The following KANK4 variants were observed in gnomAD, a reference collection of about 807,000 sequenced individuals.
KANK4 encodes KN motif and ankyrin repeat domains 4.
Under a neutral mutation model 80.8 loss-of-function variants are expected in KANK4, and 50 were observed. That is an observed-to-expected ratio of 0.62 (90% confidence interval 0.49 to 0.78). KANK4 has a LOEUF of 0.78. KANK4 is among the 30% of genes least tolerant of loss of function. KANK4 has a pLI of 0.00. For synonymous variants in KANK4, 465 were observed against 506.9 expected (o/e 0.92, Z 1.11); for missense variants, 1,196 against 1,240.1 (o/e 0.96, Z 0.53).
chr1:62,262,872 G>A (rs1485116748), intron 7 of KANK4, among the ~76,000 whole-genome samples: 1 of 152,152 alleles, frequency 6.6e-6, no homozygotes, highest in East Asian at 1.9e-4. Context: ...CAGAAGAGGG[G>A]AGGGTGGAAG....
chr1:62,253,374 G>A lies in KANK4; in HGVS notation c.2540-165C>T, dbSNP rs191412741. On this transcript the variant is annotated intron_variant, in intron 7 of 9. Transcript: ENST00000371153. ...GTTTACATTTGTAGCAGCCTTTAAA[G>A]ATGGTTTCTTTTCTTTTCTTTTTTT... 3.4e-3 allele frequency among the ~76,000 whole-genome samples: 516 copies of A among 150,856 alleles called. 1 individual carries two copies. The highest frequency in any genetic ancestry group is 3.7e-3 in the Non-Finnish European group (253 of 67,608).
intron 1 of KANK4, among the ~76,000 whole-genome samples, chr1:62,297,818 G>A (rs1307725835): frequency 1.3e-5 from 2 of 152,206 alleles, no homozygotes; most frequent in Non-Finnish European, 1.5e-5. Flanking sequence ...AAGGAGTCTT[G>A]AGGTGTTTAA....
At chr1:62,317,900 A>G (rs186901939) in intron 1 of KANK4, among the ~76,000 whole-genome samples, 1 of 152,282 alleles carries the variant, frequency 6.6e-6, no homozygotes, top group African/African-American at 2.4e-5. Flanking sequence ...TGTTGATTGA[A>G]TCAGTCTGGT....
At chr1:62,266,517 G>A (rs1462097002) in intron 6 of KANK4, among the ~76,000 whole-genome samples, 1 of 149,236 alleles carries the variant, frequency 6.7e-6, no homozygotes, top group Non-Finnish European at 1.5e-5. Flanking sequence ...TCACACCACT[G>A]CACACTCACA....
At chr1:62,273,141 C>T in intron 3 of KANK4, 63 bp downstream of exon 3, 1 of 1,181,820 alleles carries the variant, frequency 8.5e-7, no homozygotes, top group Non-Finnish European at 1.2e-6. Flanking sequence ...CTTGTTCCCT[C>T]TGCCTTATCA....
In KANK4 at chr1:62,302,099, T is replaced by C. The variant is rs190780684; in HGVS notation, c.-71+17007A>G. On this transcript the variant is annotated intron_variant, in intron 1 of 9. Transcript: ENST00000371153. Reference sequence around the variant, plus strand: ...CAGATGCTGTGGAACTTGAAGACCATGTGAGGCTCGGGCTTAGTTTCAAAA... The same window carrying C: ...CAGATGCTGTGGAACTTGAAGACCACGTGAGGCTCGGGCTTAGTTTCAAAA... 8.5e-5 allele frequency among the ~76,000 whole-genome samples: 13 copies of C among 152,114 alleles called. No homozygotes were observed. The East Asian group carries it at 1.5e-3, about 18-fold the overall frequency.
intron 2 of KANK4, among the ~76,000 whole-genome samples, chr1:62,276,535 G>A (rs1321413683): frequency 1.3e-5 from 2 of 152,096 alleles, no homozygotes; most frequent in Non-Finnish European, 2.9e-5. Flanking sequence ...CAGCTCTTTG[G>A]GAGGCCGAGG....
At chr1:62,314,834 C>A (rs1644526927) in intron 1 of KANK4, among the ~76,000 whole-genome samples, 1 of 152,172 alleles carries the variant, frequency 6.6e-6, no homozygotes, top group South Asian at 2.1e-4. Flanking sequence ...GGGGGCAGAG[C>A]CCAGGGCCTG....
At chr1:62,278,376 C>CCTTCCTTTCTTT (rs1553130855) in intron 2 of KANK4, among the ~76,000 whole-genome samples, 1 of 32,316 alleles carries the variant, frequency 3.1e-5, no homozygotes, top group Non-Finnish European at 5.1e-5. Flanking sequence ...TTCCTTCCTT[C>CCTTCCTTTCTTT]CTTTCTTTCT....
chr1:62,299,710 T>A (rs1644396190), intron 1 of KANK4, among the ~76,000 whole-genome samples: 1 of 150,744 alleles, frequency 6.6e-6, no homozygotes. Flanking sequence ...CATAAAGATG[T>A]AGCAGCTGAA....
chr1:62,251,478 T>C (rs1671616067), intron 8 of KANK4, among the ~76,000 whole-genome samples: 1 of 152,146 alleles, frequency 6.6e-6, no homozygotes, highest in Non-Finnish European at 1.5e-5. Flanking sequence ...TTCCTGTAGG[T>C]TCAAAAAATG....
intron 9 of KANK4, among the ~76,000 whole-genome samples, chr1:62,246,043 G>T (rs1234733477): frequency 6.6e-6 from 1 of 152,120 alleles, no homozygotes; most frequent in East Asian, 1.9e-4. Context: ...ACCATTTGAT[G>T]CCTCCGTCTC....
chr1:62,315,517 C>T (rs1445016178), intron 1 of KANK4, among the ~76,000 whole-genome samples: 1 of 152,160 alleles, frequency 6.6e-6, no homozygotes, highest in Non-Finnish European at 1.5e-5. Flanking sequence ...TCCTGTTTCA[C>T]ACACAATCGA....
chr1:62,301,908 C>T lies in KANK4; in HGVS notation c.-71+17198G>A, dbSNP rs566091800. Among the ~76,000 whole-genome samples, 6 of 151,714 alleles carry T rather than the reference C, an allele frequency of 4.0e-5. 1 individual carries two copies. In the South Asian group the frequency reaches 1.0e-3, roughly 26 times the overall value. On this transcript the variant is annotated intron_variant, in intron 1 of 9. Transcript: ENST00000371153. ...GCCATCCATTTCCGTGTGATCACCA[C>T]GTGGTTGGGGGTGGGGGGTGGTGAG...
chr1:62,253,001 C>T (rs1037873880), intron 8 of KANK4, 66 bp downstream of exon 8: 1 of 1,569,248 alleles, frequency 6.4e-7, no homozygotes, highest in African/African-American at 1.4e-5. Context: ...TCTCACCCCA[C>T]TAGCAGAATA....
At chr1:62,290,660 T>C (rs1672660276) in intron 1 of KANK4, among the ~76,000 whole-genome samples, 1 of 152,174 alleles carries the variant, frequency 6.6e-6, no homozygotes, top group African/African-American at 2.4e-5. Flanking sequence ...ACACTTAGCA[T>C]GATGGGAATT....
chr1:62,270,766 A>G (rs1672142175), intron 4 of KANK4, among the ~76,000 whole-genome samples: 1 of 152,078 alleles, frequency 6.6e-6, no homozygotes, highest in Non-Finnish European at 1.5e-5. Flanking sequence ...AGGGATTCTG[A>G]GCTCTCTGGG....
chr1:62,313,373 A>G (rs1344162039), intron 1 of KANK4, among the ~76,000 whole-genome samples: 1 of 152,176 alleles, frequency 6.6e-6, no homozygotes, highest in African/African-American at 2.4e-5. Flanking sequence ...CTGTGTTACA[A>G]GAGCCCCAGG....
intron 1 of KANK4, among the ~76,000 whole-genome samples, chr1:62,288,789 C>T (rs1225550279): frequency 1.3e-5 from 2 of 152,120 alleles, no homozygotes; most frequent in Admixed American, 6.5e-5. Context: ...TCTCTTTTTT[C>T]ATTTGGATGC....
Sources: allele counts gnomAD v4.1 joint callset (sites outside exome capture counted in the v4.1 genomes callset), GRCh38; gene constraint gnomAD v4.1.1; transcripts MANE v1.5; gene names NCBI Gene and HGNC (gene_info 2026-07-23, HGNC 2026-07-21).